PHF24: variants seen among roughly 807,000 people sequenced by gnomAD.
PHF24 encodes the protein Galpha inhibitory interacting protein.
PHF24 carries 25 observed loss-of-function variants against 42.6 expected under a neutral mutation model. That is an observed-to-expected ratio of 0.59 (90% confidence interval 0.43 to 0.82). The LOEUF is 0.82. Among genes scored for constraint, PHF24 ranks in the 40% least tolerant of loss-of-function variants. The probability of loss-of-function intolerance (pLI) is 0.00; values close to 1 mark genes in which losing one functional copy is unlikely to be tolerated. For synonymous variants in PHF24, 185 were observed against 204.8 expected, an observed-to-expected ratio of 0.90 and a Z score of 0.83; for missense variants, 470 against 538.1, an observed-to-expected ratio of 0.87 and a Z score of 1.25.
chr9:34,899,193 G>A, the PHF24 span, among the ~76,000 whole-genome samples: 4 of 152,194 alleles, frequency 2.6e-5, no homozygotes, highest in East Asian at 7.7e-4. Context: ...AGAGCGAACA[G>A]CAAACGAGGG....
At chr9:34,922,673 C>G in the PHF24 span, 8 of 1,284,470 alleles carry the variant, frequency 6.2e-6, no homozygotes, top group East Asian at 6.9e-5. Flanking sequence ...AGTTTTCTCT[C>G]TGTATTCTTG....
the PHF24 span, among the ~76,000 whole-genome samples, chr9:34,771,664 G>T: frequency 1.3e-5 from 2 of 151,004 alleles, no homozygotes; most frequent in Non-Finnish European, 3.0e-5. Context: ...ATGTGTAGAT[G>T]TGTGTAACCA....
chr9:34,762,473 T>C, the PHF24 span, among the ~76,000 whole-genome samples: 1 of 150,472 alleles, frequency 6.6e-6, no homozygotes, highest in Non-Finnish European at 1.5e-5. Context: ...TTTCATGTGT[T>C]TTTTGGCTGC....
chr9:34,856,999 G>A, the PHF24 span, among the ~76,000 whole-genome samples: 3 of 152,208 alleles, frequency 2.0e-5, no homozygotes, highest in Admixed American at 2.0e-4. Flanking sequence ...CAGTGAGAAG[G>A]GATGGATCAG....
At chr9:34,802,009 G>A in the PHF24 span, among the ~76,000 whole-genome samples, 192 of 152,114 alleles carry the variant, frequency 1.3e-3, 1 homozygote, top group South Asian at 0.031. Flanking sequence ...AAACCATCAC[G>A]GCACATCTAT....
the PHF24 span, among the ~76,000 whole-genome samples, chr9:34,735,366 A>G: frequency 6.6e-6 from 1 of 150,672 alleles, no homozygotes; most frequent in African/African-American, 2.4e-5. Flanking sequence ...TGAACTCCTG[A>G]CTTTGTGATT....
At chr9:34,796,009 A>G in the PHF24 span, among the ~76,000 whole-genome samples, 1 of 152,050 alleles carries the variant, frequency 6.6e-6, no homozygotes, top group Admixed American at 6.6e-5. Context: ...AAAAAAAGAA[A>G]GAGAGAGAGA....
chr9:34,769,497 T>G, the PHF24 span, among the ~76,000 whole-genome samples: 1 of 152,158 alleles, frequency 6.6e-6, no homozygotes, highest in Non-Finnish European at 1.5e-5. Context: ...CCAAGGTAAT[T>G]TATAAACTAA....
the PHF24 span, among the ~76,000 whole-genome samples, chr9:34,856,810 G>T: frequency 2.0e-5 from 3 of 152,254 alleles, no homozygotes; most frequent in Non-Finnish European, 4.4e-5. Context: ...TGGCAGAGCA[G>T]GTGTGCTGCA....
At chr9:34,768,447 T>C in the PHF24 span, among the ~76,000 whole-genome samples, 62 of 152,330 alleles carry the variant, frequency 4.1e-4, no homozygotes, top group Admixed American at 9.8e-4. Flanking sequence ...TAGATTTGAA[T>C]CTTACTTTTA....
chr9:34,916,635 T>G, the PHF24 span, among the ~76,000 whole-genome samples: 1 of 152,162 alleles, frequency 6.6e-6, no homozygotes, highest in Non-Finnish European at 1.5e-5. Flanking sequence ...TAATCAAAAC[T>G]TAGGAGTATG....
At chr9:34,919,520 A>T in the PHF24 span, among the ~76,000 whole-genome samples, 113 of 151,626 alleles carry the variant, frequency 7.5e-4, no homozygotes, top group Non-Finnish European at 1.2e-3. Flanking sequence ...CTTTTTTTTT[A>T]AAATCCATCA....
chr9:34,978,185 C>A, exon 8 of PHF24: 1 of 1,167,536 alleles, frequency 8.6e-7, no homozygotes, highest in Non-Finnish European at 1.3e-6. Flanking sequence ...CCCCCACCAA[C>A]CTCTGGCACA....
chr9:34,739,342 T>G, the PHF24 span, among the ~76,000 whole-genome samples: 4 of 152,216 alleles, frequency 2.6e-5, no homozygotes, highest in Admixed American at 6.5e-5. Flanking sequence ...GGAGTGCCAT[T>G]TAGGGGTACT....
At chr9:34,872,206 T>TTA in the PHF24 span, among the ~76,000 whole-genome samples, 2 of 151,618 alleles carry the variant, frequency 1.3e-5, no homozygotes, top group African/African-American at 2.4e-5. Context: ...TTTTTATTTT[T>TTA]TATTTTTTTA....
the PHF24 span, among the ~76,000 whole-genome samples, chr9:34,678,873 G>A: frequency 1.2e-4 from 19 of 152,146 alleles, no homozygotes; most frequent in Non-Finnish European, 7.4e-5. Context: ...CAGGCGATCC[G>A]TCTGCCTTGG....
At chr9:34,913,505 T>C in the PHF24 span, among the ~76,000 whole-genome samples, 1 of 152,218 alleles carries the variant, frequency 6.6e-6, no homozygotes, top group African/African-American at 2.4e-5. Context: ...ATCTTTTGCT[T>C]AGAAATGCTA....
the PHF24 span, among the ~76,000 whole-genome samples, chr9:34,847,878 T>C: frequency 6.6e-6 from 1 of 152,192 alleles, no homozygotes; most frequent in Non-Finnish European, 1.5e-5. Context: ...TTGTCTTTGG[T>C]TCTGTTTATA....
chr9:34,730,902 A>C, the PHF24 span, among the ~76,000 whole-genome samples: 1 of 152,216 alleles, frequency 6.6e-6, no homozygotes, highest in Non-Finnish European at 1.5e-5. Context: ...AGAATATAGA[A>C]GGGTGGACTG....
Sources: allele counts gnomAD v4.1 joint callset (sites outside exome capture counted in the v4.1 genomes callset), GRCh38; gene constraint gnomAD v4.1.1; transcripts MANE v1.5; gene names NCBI Gene and HGNC (gene_info 2026-07-23, HGNC 2026-07-21).